The following ABCA13 variants were observed in gnomAD, a reference collection of about 807,000 sequenced individuals.
ABCA13 encodes ATP binding cassette subfamily A member 13.
In ABCA13, 476 loss-of-function variants were observed where a neutral mutation model predicts 478.7. That is an observed-to-expected ratio of 0.99 (90% confidence interval 0.92 to 1.07). The LOEUF is 1.07. Among genes scored for constraint, ABCA13 ranks in the 50% least tolerant of loss-of-function variants. ABCA13 has a pLI of 0.00. For synonymous variants in ABCA13, 2,252 were observed against 2,158.9 expected (o/e 1.04, Z -1.20); for missense variants, 6,060 against 5,910.6 (o/e 1.03, Z -0.83).
chr7:48,230,979 G>A (rs1370518572), intron 7 of ABCA13, among the ~76,000 whole-genome samples: 1 of 152,126 alleles, frequency 6.6e-6, no homozygotes, highest in Non-Finnish European at 1.5e-5. Context: ...CACAGGGAGG[G>A]GAACAACATA....
At chr7:48,642,634 C>T (rs963510634) in intron 59 of ABCA13, among the ~76,000 whole-genome samples, 1 of 151,974 alleles carries the variant, frequency 6.6e-6, no homozygotes, top group African/African-American at 2.4e-5. Flanking sequence ...TTGGAGGACC[C>T]CTACATTCCT....
intron 23 of ABCA13, among the ~76,000 whole-genome samples, chr7:48,309,033 G>GCACACA (rs10523187): frequency 0.052 from 7,161 of 138,068 alleles, 428 homozygotes; most frequent in African/African-American, 0.14. Flanking sequence ...ACACATGACT[G>GCACACA]CACACACACA....
At chr7:48,555,651 T>G (rs886142698) in intron 55 of ABCA13, among the ~76,000 whole-genome samples, 2 of 152,044 alleles carry the variant, frequency 1.3e-5, no homozygotes, top group Non-Finnish European at 2.9e-5. Flanking sequence ...TGCTGTGGTA[T>G]CAGTTGTAAT....
chr7:48,243,533 G>A (rs1053873823), intron 10 of ABCA13, among the ~76,000 whole-genome samples: 2 of 152,232 alleles, frequency 1.3e-5, no homozygotes, highest in Non-Finnish European at 2.9e-5. Context: ...GCCTTGTAGG[G>A]TGATGACGTG....
intron 19 of ABCA13, among the ~76,000 whole-genome samples, chr7:48,284,342 A>G (rs1214021575): frequency 5.9e-5 from 9 of 152,168 alleles, no homozygotes; most frequent in African/African-American, 2.2e-4. Flanking sequence ...TTCTTTTAAG[A>G]TAATCTGTAT....
At chr7:48,545,625 A>G (rs1008339746) in intron 55 of ABCA13, among the ~76,000 whole-genome samples, 4 of 151,718 alleles carry the variant, frequency 2.6e-5, no homozygotes, top group South Asian at 4.1e-4. Context: ...CAAGACAACT[A>G]TCTACTATAT....
rs1796120344 is a variant in ABCA13, at chr7:48,275,086, A to G, written c.5420A>G (p.Asp1807Gly). 1.9e-6 allele frequency: 3 copies of G among 1,613,206 alleles called. No homozygotes were observed. The highest frequency in any genetic ancestry group is 2.5e-6 in the Non-Finnish European group (3 of 1,179,530). The change falls in exon 17 of 62, where the codon GAT becomes GGT. Residue 1807 changes from aspartate (D) to glycine (G), a missense_variant. Asp to Gly is a moderately conservative substitution (Grantham distance 94, BLOSUM62 -1). Coordinates refer to ENST00000435803, the MANE Select transcript of ABCA13 (RefSeq NM_152701.5). Reference protein sequence around the residue: ...ILLDTIELVSDKPDIISEALA... With the variant: ...ILLDTIELVSGKPDIISEALA... ...TTGGATACAATTGAATTAGTATCAGATAAGCCAGATATTATTTCAGAGGCT... is the reference window on the plus strand; with the variant it reads ...TTGGATACAATTGAATTAGTATCAGGTAAGCCAGATATTATTTCAGAGGCT...
rs375937087 is a variant in ABCA13 at position 48,483,836 on chromosome 7, A to G, written c.13182+673A>G. Among the ~76,000 whole-genome samples the G allele has an allele frequency of 9.5e-4, 144 of 152,348 alleles. 1 individual carries two copies. Among genetic ancestry groups the G allele is most frequent in the African/African-American group, 3.4e-3 (140 of 41,588 alleles). On this transcript the variant is annotated intron_variant, in intron 47 of 61. Coordinates refer to ENST00000435803, the MANE Select transcript of ABCA13 (RefSeq NM_152701.5). ...GAAAGATTCAAAGCATTCAGTCTCC[A>G]TGACTGGAGAAATAGTATTGTGTTT... is the stretch of plus-strand genomic sequence containing the variant.
chr7:48,323,248 C>A (rs1803774552), intron 27 of ABCA13, among the ~76,000 whole-genome samples: 1 of 152,134 alleles, frequency 6.6e-6, no homozygotes, highest in African/African-American at 2.4e-5. Flanking sequence ...GGGGCAGGAG[C>A]TTGTCTGTCT....
chr7:48,219,336 T>C lies in ABCA13; in HGVS notation c.288-18T>C, dbSNP rs1362457256. On this transcript the variant is annotated intron_variant, in intron 3 of 61. Transcript: ENST00000435803. Reference sequence around the variant, plus strand: ...TCTTGTTAAAGAGTTTCACTTGCAGTATTTATTCTGTTTAAAGTTTGTCTA... The same window carrying C: ...TCTTGTTAAAGAGTTTCACTTGCAGCATTTATTCTGTTTAAAGTTTGTCTA... The C allele has an allele frequency of 6.3e-7, 1 of 1,590,238 alleles. No homozygotes were observed. The highest frequency in any genetic ancestry group is 1.9e-5 in the Admixed American group (1 of 52,036).
chr7:48,388,682 C>T (rs972434768), intron 36 of ABCA13, among the ~76,000 whole-genome samples: 2 of 152,234 alleles, frequency 1.3e-5, no homozygotes, highest in African/African-American at 4.8e-5. Context: ...CATCAACAAG[C>T]ACCTATCCAC....
intron 33 of ABCA13, among the ~76,000 whole-genome samples, 162 bp downstream of exon 33, chr7:48,372,659 C>G (rs954707559): frequency 2.0e-5 from 3 of 152,098 alleles, no homozygotes; most frequent in African/African-American, 7.2e-5. Flanking sequence ...AAATGCAAAC[C>G]GTTGAAACTG....
chr7:48,617,404 G>A (rs908170055), intron 59 of ABCA13, among the ~76,000 whole-genome samples: 4 of 152,178 alleles, frequency 2.6e-5, no homozygotes, highest in Non-Finnish European at 5.9e-5. Context: ...AGAAGGCGAG[G>A]GTTTTGGAGG....
At position 48,476,809 on chromosome 7, in the gene ABCA13, G is replaced by A. The variant is rs115937098; in HGVS notation, c.12976-4227G>A. Among the ~76,000 whole-genome samples, 1,488 of 152,184 alleles carry A rather than the reference G, an allele frequency of 9.8e-3. 30 individuals carry two copies. The highest frequency in any genetic ancestry group is 0.033 in the African/African-American group (1,389 of 41,512). On this transcript the variant is annotated intron_variant, in intron 45 of 61. Coordinates refer to ENST00000435803, the MANE Select transcript of ABCA13 (RefSeq NM_152701.5). ...TGGCATGTGCTTAACAAGCATCTAG[G>A]TAAATAAATATGCATAAGGCATGGG... is the stretch of plus-strand genomic sequence containing the variant.
At chr7:48,635,772 G>C (rs919365591) in intron 59 of ABCA13, among the ~76,000 whole-genome samples, 1 of 152,238 alleles carries the variant, frequency 6.6e-6, no homozygotes. Context: ...GGAGGTAGCA[G>C]AAGAGTAGAT....
intron 38 of ABCA13, among the ~76,000 whole-genome samples, chr7:48,395,063 G>A (rs945845352): frequency 4.2e-4 from 64 of 152,188 alleles, no homozygotes; most frequent in African/African-American, 1.4e-3. Context: ...AGCTTAGAGC[G>A]TCCACAGGCC....
At position 48,221,189 on chromosome 7, in the gene ABCA13, C is replaced by T. The variant is rs545889520; in HGVS notation, c.440-92C>T. 7.1e-5 allele frequency: 46 copies of T among 646,566 alleles called. No individual in the cohort carries two copies. In the African/African-American group the frequency reaches 8.3e-4, roughly 12 times the overall value. 40.1% of individuals were successfully genotyped at this position (646,566 alleles called of 1,614,324 possible). On this transcript the variant is annotated intron_variant, in intron 4 of 61. Transcript: ENST00000435803. ...ATTTTTGGGCCAGGGCTCTTGGATA[C>T]TCCATTTGACTTTAGAATTAAAAGT...
At chr7:48,565,245 T>C (rs977455133) in intron 55 of ABCA13, among the ~76,000 whole-genome samples, 1 of 143,186 alleles carries the variant, frequency 7.0e-6, no homozygotes, top group African/African-American at 2.6e-5. Context: ...CAGTAGTTTA[T>C]AACATTTTCT....
intron 27 of ABCA13, among the ~76,000 whole-genome samples, chr7:48,323,350 C>T (rs974828225): frequency 6.6e-6 from 1 of 152,182 alleles, no homozygotes; most frequent in African/African-American, 2.4e-5. Context: ...TTATTTGGCT[C>T]TTGTACCCAT....
Sources: gnomAD v4.1 joint callset for allele counts (sites outside exome capture counted in the v4.1 genomes callset) on GRCh38, gnomAD v4.1.1 for gene constraint, MANE v1.5 for transcripts, NCBI Gene and HGNC (gene_info 2026-07-23, HGNC 2026-07-21) for gene names.